The following TOP2B variants were observed in gnomAD, a reference collection of about 807,000 sequenced individuals.
The protein encoded by TOP2B is DNA topoisomerase 2-beta.
TOP2B carries 51 observed loss-of-function variants against 193.5 expected under a neutral mutation model. That is an observed-to-expected ratio of 0.26 (90% CI 0.21 to 0.33). The LOEUF is 0.33. Among genes scored for constraint, TOP2B ranks in the 10% least tolerant of loss-of-function variants. The pLI is 1.00. For missense variants in TOP2B, 1,378 were observed against 1,909.3 expected, an observed-to-expected ratio of 0.72 and a Z score of 5.19; for synonymous variants, 634 against 635.7, an observed-to-expected ratio of 1.00 and a Z score of 0.04.
chr3:25,645,910 C>T (rs917788846), intron 1 of TOP2B, among the ~76,000 whole-genome samples: 27 of 151,102 alleles, frequency 1.8e-4, no homozygotes, highest in African/African-American at 6.6e-4. Context: ...CAGGTGCGCA[C>T]CACTATGCCC....
chr3:25,654,816 G>A (rs2125406860), intron 1 of TOP2B, among the ~76,000 whole-genome samples: 1 of 152,238 alleles, frequency 6.6e-6, no homozygotes, highest in South Asian at 2.1e-4. Context: ...TACACAGTGG[G>A]GAAAGGACAG....
Position 25,609,649 on chromosome 3 carries a change from C to T in TOP2B, c.3850G>A (p.Glu1284Lys). 1 of 1,564,050 alleles carries T rather than the reference C, an allele frequency of 6.4e-7. No homozygotes were observed. The highest frequency in any genetic ancestry group is 8.6e-7 in the Non-Finnish European group (1 of 1,157,736). Residue 1284 changes from glutamate (E) to lysine (K), a missense_variant, in exon 29 of 36, where the codon GAA (glutamate) becomes AAA (lysine). Transcript: ENST00000264331. Reference protein sequence around the residue: ...FDEEFSGAPVEGAGEEALTPS... With the variant: ...FDEEFSGAPVKGAGEEALTPS... ...GTCAATGCCTCTTCTCCTGCACCTT[C>T]TACTGGTGCTCCACTGAATTCTTCA...
chr3:25,632,831 T>C lies in TOP2B; in HGVS notation c.1027-37A>G, dbSNP rs1344513287. The C allele has an allele frequency of 5.1e-6, 8 of 1,562,534 alleles. No individual in the cohort carries two copies. The South Asian group carries it at 7.9e-5, about 15-fold the overall frequency. ...AAAATATATGAAATCTGAAATCCTG[T>C]ATTGTTAAAGTAGCAAAATACTTTA... On this transcript the variant is annotated intron_variant, in intron 8 of 35. Coordinates refer to ENST00000264331, the MANE Select transcript of TOP2B (RefSeq NM_001330700.2).
chr3:25,613,969 A>G (rs1197113301), intron 27 of TOP2B, among the ~76,000 whole-genome samples: 1 of 152,182 alleles, frequency 6.6e-6, no homozygotes, highest in Non-Finnish European at 1.5e-5. Context: ...GGGTCACTCT[A>G]AGCATTACAT....
Position 25,618,805 on chromosome 3 carries a change from C to A in TOP2B, c.3108G>T (p.Val1036=). 6.2e-7 allele frequency: 1 copy of A among 1,610,262 alleles called. No homozygotes were observed. The change falls in exon 24 of 36, where the codon GTG becomes GTT. Residue 1036 remains valine, a synonymous_variant. Coordinates refer to ENST00000264331, the MANE Select transcript of TOP2B (RefSeq NM_001330700.2). ...HMGCLKKYET[V]QDILKEFFDL... ...CAAAGAATTCTTTCAGAATGTCTTG[C>A]ACAGTTTCATATTTCTTCAGACATC...
At chr3:25,627,109 G>A in intron 16 of TOP2B, 78 bp downstream of exon 16, 1 of 1,025,144 alleles carries the variant, frequency 9.8e-7, no homozygotes, top group Non-Finnish European at 1.4e-6. Flanking sequence ...ACTTATCATA[G>A]GGAACCAGGA....
chr3:25,602,419 A>AG (rs1559490138), intron 33 of TOP2B, among the ~76,000 whole-genome samples: 2 of 127,280 alleles, frequency 1.6e-5, no homozygotes, highest in Non-Finnish European at 3.7e-5. Context: ...AGAAAAAGAA[A>AG]AAAAAAAAAC....
intron 28 of TOP2B, among the ~76,000 whole-genome samples, chr3:25,610,400 G>C (rs1226969151): frequency 6.6e-6 from 1 of 152,136 alleles, no homozygotes; most frequent in African/African-American, 2.4e-5. Context: ...GAGAAACTCT[G>C]CTCAAGGCAG....
At chr3:25,653,776 T>C (rs1261254300) in intron 1 of TOP2B, among the ~76,000 whole-genome samples, 1 of 152,190 alleles carries the variant, frequency 6.6e-6, no homozygotes, top group Non-Finnish European at 1.5e-5. Context: ...ATGGGATTTA[T>C]ACTTGAAATG....
chr3:25,624,599 A>C, intron 19 of TOP2B, 83 bp downstream of exon 19: 1 of 1,564,778 alleles, frequency 6.4e-7, no homozygotes, highest in East Asian at 2.3e-5. Flanking sequence ...CAAAGACTTT[A>C]CTAAAGGAAA....
At chr3:25,636,361 A>G (rs1703104779) in intron 6 of TOP2B, among the ~76,000 whole-genome samples, 1 of 152,114 alleles carries the variant, frequency 6.6e-6, no homozygotes, top group South Asian at 2.1e-4. Flanking sequence ...TGCAGATTCG[A>G]CCAACTGCAG....
At chr3:25,639,736 G>C (rs1198538561) in intron 4 of TOP2B, among the ~76,000 whole-genome samples, 11 of 152,186 alleles carry the variant, frequency 7.2e-5, no homozygotes, top group African/African-American at 2.7e-4. Flanking sequence ...TGGAAGAACT[G>C]TCCAAATTCT....
At chr3:25,612,208 C>T (rs1463257468) in intron 28 of TOP2B, among the ~76,000 whole-genome samples, 1 of 152,096 alleles carries the variant, frequency 6.6e-6, no homozygotes, top group African/African-American at 2.4e-5. Context: ...TCCCAAAGTG[C>T]TGGGATTACA....
intron 27 of TOP2B, among the ~76,000 whole-genome samples, chr3:25,613,001 T>C (rs922202305): frequency 8.5e-5 from 13 of 152,216 alleles, no homozygotes; most frequent in African/African-American, 1.9e-4. Context: ...TGATATATTA[T>C]GGAATCAAGA....
intron 34 of TOP2B, among the ~76,000 whole-genome samples, chr3:25,600,337 G>C (rs1279413727): frequency 6.6e-6 from 1 of 152,176 alleles, no homozygotes; most frequent in Non-Finnish European, 1.5e-5. Flanking sequence ...ATAATCTTGG[G>C]ATGTCATATT....
At chr3:25,632,103 A>T (rs1039379741) in intron 10 of TOP2B, among the ~76,000 whole-genome samples, 1 of 152,100 alleles carries the variant, frequency 6.6e-6, no homozygotes, top group Non-Finnish European at 1.5e-5. Context: ...TAAAGATAAG[A>T]ATCAGTAGAT....
Position 25,620,665 on chromosome 3 carries a change from C to T in TOP2B, c.2862+17G>A. On this transcript the variant is annotated intron_variant, in intron 22 of 35. Coordinates refer to ENST00000264331, the MANE Select transcript of TOP2B (RefSeq NM_001330700.2). ...TACACTGCCCTTCCCTCAGGCAGATCACATATTTACACTGACCTGTGTCCA... is the reference window on the plus strand; with the variant it reads ...TACACTGCCCTTCCCTCAGGCAGATTACATATTTACACTGACCTGTGTCCA... 1 of 1,606,058 alleles carries T rather than the reference C, an allele frequency of 6.2e-7. No individual in the cohort carries two copies. The highest frequency in any genetic ancestry group is 8.5e-7 in the Non-Finnish European group (1 of 1,176,154).
chr3:25,646,075 G>A (rs559670999), intron 1 of TOP2B, among the ~76,000 whole-genome samples: 1 of 151,832 alleles, frequency 6.6e-6, no homozygotes, highest in Non-Finnish European at 1.5e-5. Flanking sequence ...CTGGACTCAA[G>A]TTAATTTTTG....
At chr3:25,630,207 G>C in intron 12 of TOP2B, 53 bp from the exon 13 acceptor site, 1 of 1,522,506 alleles carries the variant, frequency 6.6e-7, no homozygotes, top group Non-Finnish European at 8.8e-7. Flanking sequence ...AAATATACGA[G>C]TCAGAAATTA....
Sources: allele counts gnomAD v4.1 joint callset (sites outside exome capture counted in the v4.1 genomes callset), GRCh38; gene constraint gnomAD v4.1.1; transcripts MANE v1.5; gene names NCBI Gene and HGNC (gene_info 2026-07-23, HGNC 2026-07-21).